Variants in MSRA observed in about 807,000 individuals in gnomAD.
MSRA encodes the protein methionine sulfoxide reductase A.
MSRA carries 54 observed loss-of-function variants against 31.3 expected under a neutral mutation model. The observed-to-expected ratio is 1.73, with a 90% CI of 1.39 to 2.17. MSRA has a LOEUF of 2.17. Among genes scored for constraint, MSRA ranks in the 30% most tolerant of loss-of-function variants. The pLI, the probability that MSRA is intolerant of heterozygous loss-of-function variation, is 0.00. For synonymous variants in MSRA, 169 were observed against 116.5 expected (o/e 1.45, Z -2.90); for missense variants, 507 against 300.9 (o/e 1.69, Z -5.07).
intron 5 of MSRA, among the ~76,000 whole-genome samples, chr8:10,383,047 C>T (rs1806170658): frequency 6.6e-6 from 1 of 152,308 alleles, no homozygotes; most frequent in African/African-American, 2.4e-5. Flanking sequence ...AGATCGGAAA[C>T]AGGCATGAGA....
At chr8:10,363,768 A>ACACACACACACACACACACAC (rs1804998518) in intron 5 of MSRA, among the ~76,000 whole-genome samples, 3 of 151,156 alleles carry the variant, frequency 2.0e-5, no homozygotes, top group African/African-American at 7.3e-5. Flanking sequence ...ACACACACAC[A>ACACACACACACACACACACAC]CACACACACA....
At chr8:10,086,628 C>A (rs1798569886) in intron 1 of MSRA, among the ~76,000 whole-genome samples, 1 of 152,154 alleles carries the variant, frequency 6.6e-6, no homozygotes, top group South Asian at 2.1e-4. Context: ...TTAAAGAGTG[C>A]AAAGTGTTTC....
intron 1 of MSRA, among the ~76,000 whole-genome samples, chr8:10,089,456 G>C (rs750658232): frequency 6.6e-6 from 1 of 152,126 alleles, no homozygotes; most frequent in East Asian, 1.9e-4. Flanking sequence ...TCATATTTGT[G>C]AATTTGCCAT....
intron 1 of MSRA, among the ~76,000 whole-genome samples, chr8:10,074,890 C>T (rs1797928306): frequency 6.6e-6 from 1 of 152,082 alleles, no homozygotes. Context: ...AACTCCTGAC[C>T]TCAAGTGATC....
chr8:10,285,021 T>A (rs1198715323), intron 3 of MSRA, among the ~76,000 whole-genome samples: 1 of 74,070 alleles, frequency 1.4e-5, no homozygotes, highest in South Asian at 4.5e-4. Flanking sequence ...CAATCTTTTT[T>A]TCTTTAAAAA....
At chr8:10,088,163 G>A (rs940579132) in intron 1 of MSRA, among the ~76,000 whole-genome samples, 1 of 152,158 alleles carries the variant, frequency 6.6e-6, no homozygotes, top group South Asian at 2.1e-4. Context: ...CTTCTGTTAA[G>A]TCTGTAGAAA....
intron 3 of MSRA, among the ~76,000 whole-genome samples, chr8:10,248,576 T>C (rs987047168): frequency 3.3e-5 from 5 of 151,556 alleles, no homozygotes; most frequent in Admixed American, 6.6e-5. Context: ...AGCGAGAGAG[T>C]GTGGATGTGA....
chr8:10,105,194 CT>C (rs36000218), intron 1 of MSRA, among the ~76,000 whole-genome samples: 2 of 151,548 alleles, frequency 1.3e-5, no homozygotes, highest in African/African-American at 4.9e-5. Context: ...CCTTCTCAAT[CT>C]TTTTTTTTCT....
intron 3 of MSRA, among the ~76,000 whole-genome samples, chr8:10,295,381 C>T (rs765581840): frequency 2.6e-5 from 4 of 152,134 alleles, no homozygotes; most frequent in Admixed American, 1.3e-4. Context: ...GGCACAGGCT[C>T]TGCTCTCGTT....
intron 1 of MSRA, among the ~76,000 whole-genome samples, chr8:10,180,938 G>C (rs972427616): frequency 9.9e-5 from 15 of 152,136 alleles, no homozygotes; most frequent in Non-Finnish European, 1.6e-4. Flanking sequence ...TGACTTCCTG[G>C]ACTTTACCTC....
At chr8:10,232,298 C>A (rs78024743) in intron 2 of MSRA, among the ~76,000 whole-genome samples, 2 of 152,164 alleles carry the variant, frequency 1.3e-5, no homozygotes, top group African/African-American at 4.8e-5. Context: ...GCTCTTCCTA[C>A]CCCATCTGTT....
chr8:10,189,807 T>C (rs1020317516), intron 1 of MSRA, among the ~76,000 whole-genome samples: 1 of 152,200 alleles, frequency 6.6e-6, no homozygotes, highest in Non-Finnish European at 1.5e-5. Context: ...CTTTGTCTGG[T>C]TTTGGCATCA....
chr8:10,332,274 C>G (rs1334951512), intron 5 of MSRA, among the ~76,000 whole-genome samples: 1 of 152,076 alleles, frequency 6.6e-6, no homozygotes, highest in Non-Finnish European at 1.5e-5. Flanking sequence ...ATTGGAAAAC[C>G]CTAAATAGAC....
intron 1 of MSRA, among the ~76,000 whole-genome samples, chr8:10,158,182 C>T (rs1341817365): frequency 2.6e-5 from 4 of 152,200 alleles, no homozygotes; most frequent in South Asian, 2.1e-4. Flanking sequence ...ACCCCCAAGG[C>T]TCCACCTCCT....
intron 5 of MSRA, among the ~76,000 whole-genome samples, chr8:10,358,230 T>C (rs2129163214): frequency 6.6e-6 from 1 of 152,248 alleles, no homozygotes; most frequent in East Asian, 1.9e-4. Context: ...TGCCTGGCGA[T>C]GTGAGCCACC....
At chr8:10,404,988 C>G (rs886502920) in intron 5 of MSRA, among the ~76,000 whole-genome samples, 3 of 152,226 alleles carry the variant, frequency 2.0e-5, no homozygotes. Flanking sequence ...GCCACAGTCA[C>G]AGGCTCCAGA....
At chr8:10,233,690 G>A (rs532806200) in intron 2 of MSRA, among the ~76,000 whole-genome samples, 2 of 152,282 alleles carry the variant, frequency 1.3e-5, no homozygotes, top group East Asian at 1.9e-4. Context: ...TGACACAGAG[G>A]ATAAGTTGAG....
intron 2 of MSRA, among the ~76,000 whole-genome samples, chr8:10,222,488 A>G (rs1029558808): frequency 3.3e-5 from 5 of 152,230 alleles, no homozygotes; most frequent in Admixed American, 6.5e-5. Context: ...ATATCATTCA[A>G]CAATTCTACT....
rs1267494098 is a variant in MSRA at position 10,316,262 on chromosome 8, A to C, written c.437-3621A>C. 1.3e-5 allele frequency among the ~76,000 whole-genome samples: 2 copies of C among 151,910 alleles called. 1 individual carries two copies. Among genetic ancestry groups the C allele is most frequent in the Admixed American group, 1.3e-4 (2 of 15,240 alleles). On this transcript the variant is annotated intron_variant, in intron 4 of 5. Transcript: ENST00000317173. The stretch of plus-strand genomic sequence containing the variant: ...TTTTACTTAAATTATATATATTTAC[A>C]AATCGGAATAATAGTGGTTAAGATC...
Sources: allele counts gnomAD v4.1 joint callset (sites outside exome capture counted in the v4.1 genomes callset), GRCh38; gene constraint gnomAD v4.1.1; transcripts MANE v1.5; gene names NCBI Gene and HGNC (gene_info 2026-07-23, HGNC 2026-07-21).